The following EDN2 variants were observed in gnomAD, a reference collection of about 807,000 sequenced individuals.
EDN2 encodes endothelin-2.
A neutral mutation model predicts 19.9 loss-of-function variants in EDN2; 10 were observed. The ratio of observed to expected loss-of-function variants is 0.50; its 90% CI spans 0.31 to 0.85. The LOEUF (loss-of-function observed/expected upper bound fraction) is 0.85. EDN2 is among the 40% of genes least tolerant of loss of function. The pLI is 0.05. For synonymous variants in EDN2, 84 were observed against 94.9 expected (o/e 0.89, Z 0.67); for missense variants, 222 against 239.3 (o/e 0.93, Z 0.48).
intron 1 of EDN2, 135 bp from the exon 2 acceptor site, chr1:41,484,338 G>A: frequency 7.5e-7 from 1 of 1,335,678 alleles, no homozygotes; most frequent in African/African-American, 1.5e-5. Flanking sequence ...AGAGCTCCAG[G>A]CCAGCCCAGG....
chr1:41,481,292 A>C, intron 3 of EDN2, 99 bp from the exon 4 acceptor site: 1 of 904,354 alleles, frequency 1.1e-6, no homozygotes, highest in Non-Finnish European at 1.7e-6. Flanking sequence ...CCCCATCCCC[A>C]CCTGCCTGCG....
Position 41,479,348 on chromosome 1 carries a change from C to CA in EDN2, c.*60_*61insT, listed in dbSNP as rs1644226925. Reference sequence around the variant, plus strand: ...CAGGCAGAGAGTCCACAAGCCCTGGCCACTTCTCTCCTCCTCTCTCCCCGC... The same window carrying CA: ...CAGGCAGAGAGTCCACAAGCCCTGGCACACTTCTCTCCTCCTCTCTCCCCGC... On this transcript the variant is annotated 3_prime_UTR_variant, in exon 5 of 5. Transcript: ENST00000372587. 1.4e-5 allele frequency: 20 copies of CA among 1,405,568 alleles called. No individual in the cohort carries two copies. In the African/African-American group the frequency reaches 2.1e-4, roughly 15 times the overall value. The allele number at this position is 1,405,568 out of a possible 1,614,324, so 87.1% of individuals were successfully genotyped here.
intron 2 of EDN2, 38 bp from the exon 3 acceptor site, chr1:41,482,626 G>A: frequency 6.5e-7 from 1 of 1,528,172 alleles, no homozygotes; most frequent in Non-Finnish European, 8.7e-7. Flanking sequence ...GGTGTGGGGT[G>A]GAGAGAAAGA....
intron 1 of EDN2, 91 bp from the exon 2 acceptor site, chr1:41,484,294 G>A: frequency 6.8e-7 from 1 of 1,481,054 alleles, no homozygotes; most frequent in Non-Finnish European, 9.1e-7. Context: ...CCCTCCTCTT[G>A]CATAATCGAG....
intron 2 of EDN2, 65 bp from the exon 3 acceptor site, chr1:41,482,653 TAAAG>T (rs781542635): frequency 8.1e-5 from 121 of 1,487,324 alleles, no homozygotes; most frequent in Non-Finnish European, 9.9e-5. Context: ...GAGAAAAAAA[TAAAG>T]AGAGAGAGGA....
Position 41,484,080 on chromosome 1 carries a change from C to T in EDN2, c.188G>A (p.Cys63Tyr). The part of the protein sequence containing the change: ...SWLDKECVYF[C>Y]HLDIIWVNTP... Reference sequence around the variant, plus strand: ...GTTCACCCAGATGATGTCCAAGTGGCAGAAGTAGACGCACTCCTTGTCGAG... The same window carrying T: ...GTTCACCCAGATGATGTCCAAGTGGTAGAAGTAGACGCACTCCTTGTCGAG... Residue 63 changes from cysteine (C) to tyrosine (Y), a missense_variant, in exon 2 of 5, where the codon TGC becomes TAC. Coordinates refer to ENST00000372587, the MANE Select transcript of EDN2 (RefSeq NM_001956.5). The T allele has an allele frequency of 6.2e-7, 1 of 1,612,540 alleles. No homozygotes were observed. The highest frequency in any genetic ancestry group is 8.5e-7 in the Non-Finnish European group (1 of 1,179,440).
chr1:41,483,892 G>T, intron 2 of EDN2, 155 bp downstream of exon 2: 2 of 790,656 alleles, frequency 2.5e-6, no homozygotes, highest in Non-Finnish European at 4.0e-6. Context: ...CCCCACTCAG[G>T]AATTGAAACA....
chr1:41,480,913 A>T, intron 4 of EDN2, 182 bp downstream of exon 4: 1 of 651,408 alleles, frequency 1.5e-6, no homozygotes, highest in South Asian at 1.7e-5. Flanking sequence ...AAGAGCACAG[A>T]CTCTGGGGTC....
At position 41,483,931 on chromosome 1, in the gene EDN2, C is replaced by T. The variant is rs939721277; in HGVS notation, c.221+116G>A. ...AACTATTGATATTAGCCAGTGCCTC[C>T]ATCTGGAGGCCCAGGGAGAGATGGA... On this transcript the variant is annotated intron_variant, in intron 2 of 4. Coordinates refer to ENST00000372587, the MANE Select transcript of EDN2 (RefSeq NM_001956.5). 5 of 1,111,926 alleles carry T rather than the reference C, an allele frequency of 4.5e-6. No homozygotes were observed. The African/African-American group carries it at 7.9e-5, about 18-fold the overall frequency. 68.9% of individuals were successfully genotyped at this position (1,111,926 alleles called of 1,614,324 possible).
chr1:41,482,169 C>T (rs1304013602), intron 3 of EDN2, among the ~76,000 whole-genome samples: 1 of 152,250 alleles, frequency 6.6e-6, no homozygotes, highest in African/African-American at 2.4e-5. Flanking sequence ...CGTGTCCTGC[C>T]CCCTCTCTGG....
intron 3 of EDN2, among the ~76,000 whole-genome samples, chr1:41,481,542 AT>A (rs369964181): frequency 1.8e-4 from 26 of 144,458 alleles, no homozygotes; most frequent in African/African-American, 5.6e-4. Context: ...GGAGCTTGGG[AT>A]TTTTTTTTTT....
Position 41,482,450 on chromosome 1 carries a change from C to A in EDN2, c.344+16G>T. ...TGCAGCTACCCTATGCCCCTGCAGG[C>A]TGGGTGCCCACCTACCAGGGCCTTC... is the stretch of plus-strand genomic sequence containing the variant. On this transcript the variant is annotated intron_variant, in intron 3 of 4. Coordinates refer to ENST00000372587, the MANE Select transcript of EDN2 (RefSeq NM_001956.5). 1 of 1,595,432 alleles carries A rather than the reference C, an allele frequency of 6.3e-7. No individual in the cohort carries two copies. Among genetic ancestry groups the A allele is most frequent in the Non-Finnish European group, 8.5e-7 (1 of 1,171,726 alleles).
chr1:41,483,340 C>T (rs1262701362), intron 2 of EDN2, among the ~76,000 whole-genome samples: 3 of 152,232 alleles, frequency 2.0e-5, no homozygotes, highest in Non-Finnish European at 4.4e-5. Flanking sequence ...TGTTTGGATG[C>T]GGATTAGCTT....
rs2984691 is a variant in EDN2, at chr1:41,484,641, T to C, written c.-40A>G. ...GCGCAGGCTGGACTGGAGCAGGGAGTGCCTGTTGCCAGCGTCCTGCTATTA... is the reference window on the plus strand; with the variant it reads ...GCGCAGGCTGGACTGGAGCAGGGAGCGCCTGTTGCCAGCGTCCTGCTATTA... On this transcript the variant is annotated 5_prime_UTR_variant, in exon 1 of 5. Coordinates refer to ENST00000372587, the MANE Select transcript of EDN2 (RefSeq NM_001956.5). The C allele has an allele frequency of 0.92, 1,430,837 of 1,550,110 alleles. 661,295 individuals are homozygous for C. Among genetic ancestry groups the C allele is most frequent in the Non-Finnish European group, 0.93 (1,070,189 of 1,146,250 alleles).
intron 2 of EDN2, chr1:41,483,762 G>A (rs1569591759): frequency 6.2e-6 from 2 of 320,108 alleles, no homozygotes; most frequent in Admixed American, 9.0e-5. Context: ...GTGTGATCTT[G>A]GGGGAGGCGC....
chr1:41,482,737 G>T (rs925433666), intron 2 of EDN2, 149 bp from the exon 3 acceptor site: 4 of 1,135,548 alleles, frequency 3.5e-6, no homozygotes, highest in Non-Finnish European at 4.7e-6. Flanking sequence ...ACCCATGCCA[G>T]CAGGGTGCCA....
intron 3 of EDN2, 34 bp downstream of exon 3, chr1:41,482,432 A>G (rs918182946): frequency 6.4e-7 from 1 of 1,571,950 alleles, no homozygotes; most frequent in Non-Finnish European, 8.6e-7. Context: ...GCTTGCAGCT[A>G]CCCTATGCCC....
intron 2 of EDN2, among the ~76,000 whole-genome samples, chr1:41,483,494 T>G (rs979213904): frequency 6.6e-6 from 1 of 152,122 alleles, no homozygotes; most frequent in Non-Finnish European, 1.5e-5. Flanking sequence ...AGCACGGGGC[T>G]CCCACCCGGG....
At position 41,482,510 on chromosome 1, in the gene EDN2, A is replaced by G. The variant is rs775304398; in HGVS notation, c.300T>C (p.Ser100=). Residue 100 remains serine (S), a synonymous_variant, in exon 3 of 5, where the codon AGT becomes AGC. Coordinates refer to ENST00000372587, the MANE Select transcript of EDN2 (RefSeq NM_001956.5). The part of the protein sequence containing the change: ...RSLPRRCQCS[S]ARDPACATFC... Reference sequence around the variant, plus strand: ...AGGTGGCACAGGCGGGGTCCCTGGCACTGGAGCACTGACAGCGCCTTGGCA... The same window carrying G: ...AGGTGGCACAGGCGGGGTCCCTGGCGCTGGAGCACTGACAGCGCCTTGGCA... The G allele has an allele frequency of 2.5e-6, 4 of 1,596,680 alleles. No individual in the cohort carries two copies. The African/African-American group carries it at 4.1e-5, about 16-fold the overall frequency.
Sources: gnomAD v4.1 joint callset for allele counts (sites outside exome capture counted in the v4.1 genomes callset) on GRCh38, gnomAD v4.1.1 for gene constraint, MANE v1.5 for transcripts, NCBI Gene and HGNC (gene_info 2026-07-23, HGNC 2026-07-21) for gene names.